The following EPB41L3 variants were observed in gnomAD, a reference collection of about 807,000 sequenced individuals.
EPB41L3 encodes the protein erythrocyte membrane protein band 4.1 like 3, also known as band 4.1-like protein 3.
A neutral mutation model predicts 127.1 loss-of-function variants in EPB41L3; 57 were observed. The observed-to-expected ratio is 0.45, with a 90% CI of 0.36 to 0.56. The LOEUF (loss-of-function observed/expected upper bound fraction) is 0.56. Among genes scored for constraint, EPB41L3 ranks in the 20% least tolerant of loss-of-function variants. The probability of loss-of-function intolerance (pLI) is 0.00; values close to 1 mark genes in which losing one functional copy is unlikely to be tolerated. For missense variants in EPB41L3, 1,273 were observed against 1,372.2 expected (o/e 0.93, Z 1.14); for synonymous variants, 572 against 549.5 (o/e 1.04, Z -0.57).
At chr18:5,598,882 G>A (rs760844651) in intron 3 of EPB41L3, among the ~76,000 whole-genome samples, 10 of 152,200 alleles carry the variant, frequency 6.6e-5, no homozygotes, top group South Asian at 2.1e-4. Flanking sequence ...CAGTCTCTTC[G>A]GTTAAACTGA....
rs576753264 is a variant in EPB41L3 at position 5,457,542 on chromosome 18, G to GA, written c.382-12299dup. Among the ~76,000 whole-genome samples, 28 of 151,944 alleles carry GA rather than the reference G, an allele frequency of 1.8e-4. No homozygotes were observed. In the South Asian group the frequency reaches 5.8e-3, roughly 32 times the overall value. ...AACTTCTGTTTTTACCATTGAAAAA[G>GA]AAAAAAACACACACACACAGATCTC... is the stretch of plus-strand genomic sequence containing the variant. On this transcript the variant is annotated intron_variant, in intron 3 of 22. Transcript: ENST00000341928.
intron 5 of EPB41L3, 75 bp downstream of exon 5, chr18:5,443,763 A>G (rs1459978691): frequency 1.6e-6 from 2 of 1,226,432 alleles, no homozygotes; most frequent in African/African-American, 1.5e-5. Flanking sequence ...CCACTTAGGT[A>G]TGGGCTACCA....
rs888197523 is a variant in EPB41L3 at position 5,470,291 on chromosome 18, T to A, written c.381+7950A>T. ...TTTATGGTGAAGACAATCTCACACA[T>A]AAGCTCAAGCCTTTGGCTCATTTGG... On this transcript the variant is annotated intron_variant, in intron 3 of 22. Transcript: ENST00000341928. Among the ~76,000 whole-genome samples, 4 of 152,216 alleles carry A rather than the reference T, an allele frequency of 2.6e-5. No individual in the cohort carries two copies. The South Asian group carries it at 6.2e-4, about 24-fold the overall frequency.
intron 13 of EPB41L3, among the ~76,000 whole-genome samples, chr18:5,415,063 AT>A (rs777100189): frequency 1.3e-5 from 2 of 152,232 alleles, no homozygotes; most frequent in Non-Finnish European, 2.9e-5. Context: ...TATTATCTGC[AT>A]TGGCATTGCT....
At chr18:5,491,151 T>G (rs1483706295) in intron 1 of EPB41L3, among the ~76,000 whole-genome samples, 1 of 152,178 alleles carries the variant, frequency 6.6e-6, no homozygotes, top group Non-Finnish European at 1.5e-5. Context: ...TAGGTCATCT[T>G]CATAAAGACA....
At chr18:5,605,159 C>A (rs2094636523) in intron 3 of EPB41L3, among the ~76,000 whole-genome samples, 1 of 152,148 alleles carries the variant, frequency 6.6e-6, no homozygotes, top group African/African-American at 2.4e-5. Flanking sequence ...CAGTACTCCC[C>A]AGGTAAGGTA....
chr18:5,499,384 C>T (rs535457139), intron 1 of EPB41L3, among the ~76,000 whole-genome samples: 3 of 152,188 alleles, frequency 2.0e-5, no homozygotes, highest in Non-Finnish European at 4.4e-5. Flanking sequence ...TATGGGATCA[C>T]CTACAGTTGC....
In EPB41L3 at chr18:5,582,283, A is replaced by G. The variant is rs140091514; in HGVS notation, c.-306+30057T>C. 1.2e-4 allele frequency among the ~76,000 whole-genome samples: 18 copies of G among 152,294 alleles called. No homozygotes were observed. In the East Asian group the frequency reaches 3.1e-3, roughly 26 times the overall value. On this transcript the variant is annotated intron_variant, in intron 3 of 21. Transcript: ENST00000545076. ...ATGACACCAGGCTAGAAAGCTGCCC[A>G]ACACAGGAGAGGAGAAGACAACGGA...
chr18:5,555,976 C>T (rs1242395050), intron 3 of EPB41L3, among the ~76,000 whole-genome samples: 1 of 152,192 alleles, frequency 6.6e-6, no homozygotes, highest in Non-Finnish European at 1.5e-5. Flanking sequence ...TCAAACATTG[C>T]ACCTATGCGT....
chr18:5,471,544 CTTTCCG>C (rs2086143406), intron 3 of EPB41L3, among the ~76,000 whole-genome samples: 1 of 152,198 alleles, frequency 6.6e-6, no homozygotes, highest in Admixed American at 6.5e-5. Flanking sequence ...TGGAAGACTG[CTTTCCG>C]CATTAAACCA....
intron 3 of EPB41L3, among the ~76,000 whole-genome samples, chr18:5,575,401 T>C (rs1174440577): frequency 6.6e-6 from 1 of 152,134 alleles, no homozygotes; most frequent in Non-Finnish European, 1.5e-5. Flanking sequence ...TCGCCCCTGT[T>C]TGTTACCATG....
At chr18:5,519,996 C>T (rs1031413675) in intron 1 of EPB41L3, among the ~76,000 whole-genome samples, 2 of 152,174 alleles carry the variant, frequency 1.3e-5, no homozygotes, top group African/African-American at 4.8e-5. Flanking sequence ...AACTGTTTTG[C>T]TTTTTGACGC....
chr18:5,596,488 C>T (rs2094537989), intron 3 of EPB41L3, among the ~76,000 whole-genome samples: 2 of 152,144 alleles, frequency 1.3e-5, no homozygotes, highest in Admixed American at 1.3e-4. Flanking sequence ...TTAGCAGGGT[C>T]TTCTTAAGCA....
At position 5,416,162 on chromosome 18, in the gene EPB41L3, A is replaced by G; in HGVS notation, c.1723T>C (p.Tyr575His). The change falls in exon 13 of 23, where the codon TAC becomes CAC. Residue 575 changes from tyrosine to histidine, a missense_variant. By Grantham distance (83) the Tyr-to-His change is moderately conservative (BLOSUM62 2). This residue lies in a region of EPB41L3 where 765 missense variants were observed against 782.9 expected (regional missense o/e 0.98). Coordinates refer to ENST00000341928, the MANE Select transcript of EPB41L3 (RefSeq NM_012307.5). ...GTCCCCTTGCCAGTTTGCTGTCTGT[A>G]GCTAAAAGCCACATCTTGATCCCCT... ...YLGDQDVAFSYRQQTGKGTTL... is the reference protein window; with the variant it reads ...YLGDQDVAFSHRQQTGKGTTL... 1.2e-6 allele frequency: 2 copies of G among 1,614,036 alleles called. No homozygotes were observed. Among genetic ancestry groups the G allele is most frequent in the South Asian group, 2.2e-5 (2 of 91,082 alleles).
intron 1 of EPB41L3, among the ~76,000 whole-genome samples, chr18:5,499,734 T>G (rs2091553494): frequency 6.6e-6 from 1 of 151,558 alleles, no homozygotes; most frequent in South Asian, 2.1e-4. Flanking sequence ...ACCACTGCAC[T>G]CAAGCCTGGG....
intron 3 of EPB41L3, among the ~76,000 whole-genome samples, chr18:5,557,432 G>A (rs1036870935): frequency 2.0e-5 from 3 of 152,128 alleles, no homozygotes; most frequent in African/African-American, 7.2e-5. Context: ...TGCCCAGACT[G>A]GAGTGCAGTG....
chr18:5,431,645 A>G (rs1339256749), intron 8 of EPB41L3, among the ~76,000 whole-genome samples: 3 of 152,104 alleles, frequency 2.0e-5, no homozygotes, highest in Admixed American at 1.3e-4. Flanking sequence ...TCTTTTATTT[A>G]CTTATTTATT....
At chr18:5,482,201 C>T (rs969418825) in intron 2 of EPB41L3, among the ~76,000 whole-genome samples, 1 of 152,086 alleles carries the variant, frequency 6.6e-6, no homozygotes, top group Non-Finnish European at 1.5e-5. Context: ...AATCTCAGAA[C>T]TGAGAAATAC....
intron 2 of EPB41L3, among the ~76,000 whole-genome samples, chr18:5,481,638 C>G (rs193161314): frequency 6.6e-6 from 1 of 152,286 alleles, no homozygotes; most frequent in East Asian, 1.9e-4. Flanking sequence ...GACCACCACC[C>G]CAGTCCTGGA....
Sources: allele counts gnomAD v4.1 joint callset (sites outside exome capture counted in the v4.1 genomes callset), GRCh38; gene constraint gnomAD v4.1.1; regional missense constraint gnomAD v4.1.1; transcripts MANE v1.5; gene names NCBI Gene and HGNC (gene_info 2026-07-23, HGNC 2026-07-21).